Variants in ARHGAP10 observed in about 807,000 individuals in gnomAD.
ARHGAP10 encodes rho GTPase-activating protein 10.
In ARHGAP10, 87 loss-of-function variants were observed where a neutral mutation model predicts 108.6. The ratio of observed to expected loss-of-function variants is 0.80; its 90% CI spans 0.67 to 0.96. The LOEUF (loss-of-function observed/expected upper bound fraction) is 0.96. Among genes scored for constraint, ARHGAP10 ranks in the 40% least tolerant of loss-of-function variants. ARHGAP10 has a pLI of 0.00. For missense variants in ARHGAP10, 939 were observed against 954.5 expected, an observed-to-expected ratio of 0.98 and a Z score of 0.21; for synonymous variants, 347 against 341.1, an observed-to-expected ratio of 1.02 and a Z score of -0.19.
In ARHGAP10 at chr4:147,912,593, A is replaced by C. The variant is rs1299914020; in HGVS notation, c.1163-481A>C. 1.6e-4 allele frequency among the ~76,000 whole-genome samples: 16 copies of C among 98,482 alleles called. 1 individual carries two copies. The highest frequency in any genetic ancestry group is 2.2e-5 in the Non-Finnish European group (1 of 45,502). 64.6% of individuals were successfully genotyped at this position (98,482 alleles called of 152,430 possible). ...TATATATATATATATATATATATATATATATAAAATTCCTGTGTATATTAT... is the reference window on the plus strand; with the variant it reads ...TATATATATATATATATATATATATCTATATAAAATTCCTGTGTATATTAT... On this transcript the variant is annotated intron_variant, in intron 12 of 22. Transcript: ENST00000336498.
intron 18 of ARHGAP10, among the ~76,000 whole-genome samples, chr4:147,967,859 G>T (rs543338041): frequency 2.0e-5 from 3 of 152,196 alleles, no homozygotes; most frequent in East Asian, 3.8e-4. Context: ...ATAGCCATGC[G>T]TATTCTGTTA....
In ARHGAP10 at chr4:147,800,240, C is replaced by A. The variant is rs560766483; in HGVS notation, c.155-22487C>A. On this transcript the variant is annotated intron_variant, in intron 1 of 22. Transcript: ENST00000336498. ...GGGACTTTCCTGACTGTGGCATAGT[C>A]CCCCTTCCTGTGGGGGACAGAGAGC... is the stretch of plus-strand genomic sequence containing the variant. Among the ~76,000 whole-genome samples, 4 of 152,272 alleles carry A rather than the reference C, an allele frequency of 2.6e-5. No homozygotes were observed. In the East Asian group the frequency reaches 7.7e-4, roughly 29 times the overall value.
intron 7 of ARHGAP10, among the ~76,000 whole-genome samples, 200 bp downstream of exon 7, chr4:147,867,016 C>T (rs1456548560): frequency 2.0e-5 from 3 of 152,170 alleles, no homozygotes; most frequent in African/African-American, 7.2e-5. Flanking sequence ...AATTCTGCCA[C>T]CTGGCGGCTT....
At chr4:147,866,846 A>G (rs751506588) in intron 7 of ARHGAP10, 30 bp downstream of exon 7, 66 of 1,516,868 alleles carry the variant, frequency 4.4e-5, no homozygotes, top group Non-Finnish European at 5.8e-5. Flanking sequence ...CTTTATAAAA[A>G]GATGTTTGAA....
chr4:148,002,640 G>A (rs1192090404), intron 18 of ARHGAP10, among the ~76,000 whole-genome samples: 1 of 152,054 alleles, frequency 6.6e-6, no homozygotes, highest in Non-Finnish European at 1.5e-5. Context: ...GTTTAGTCTT[G>A]GGAGGGTGTA....
intron 18 of ARHGAP10, among the ~76,000 whole-genome samples, chr4:148,012,830 A>T (rs899079211): frequency 6.6e-6 from 1 of 152,092 alleles, no homozygotes; most frequent in African/African-American, 2.4e-5. Flanking sequence ...CCTTATGATG[A>T]CAAAATGTTT....
At chr4:147,916,592 TACTC>T (rs1447418804) in intron 13 of ARHGAP10, 1 of 152,236 alleles carries the variant, frequency 6.6e-6, no homozygotes, top group Non-Finnish European at 1.5e-5. Context: ...ACAGGACAAA[TACTC>T]AGGAAGCCTG....
In ARHGAP10 at chr4:147,939,986, A is replaced by G; in HGVS notation, c.1303+87A>G. ...CTTAATATTTCATAATAATGTAGAG[A>G]ATACTTGTCATTCCATTCCTCTACT... On this transcript the variant is annotated intron_variant, in intron 14 of 22. Transcript: ENST00000336498. The G allele has an allele frequency of 4.0e-6, 5 of 1,245,702 alleles. No individual in the cohort carries two copies. In the South Asian group the frequency reaches 6.8e-5, roughly 17 times the overall value. The allele number at this position is 1,245,702 out of a possible 1,614,324, so 77.2% of individuals were successfully genotyped here. A position where few individuals can be genotyped will look rare whatever the true frequency, so the allele number is the denominator to read the frequency against.
chr4:147,910,071 G>A (rs1379162810), intron 12 of ARHGAP10, among the ~76,000 whole-genome samples: 1 of 151,958 alleles, frequency 6.6e-6, no homozygotes, highest in Non-Finnish European at 1.5e-5. Flanking sequence ...GCAGTGGCAT[G>A]GTCTTGGATC....
At chr4:147,843,238 T>G (rs1220360205) in intron 3 of ARHGAP10, among the ~76,000 whole-genome samples, 1 of 152,220 alleles carries the variant, frequency 6.6e-6, no homozygotes, top group Non-Finnish European at 1.5e-5. Flanking sequence ...CTTTCTGGAT[T>G]CTTCACATGG....
intron 18 of ARHGAP10, among the ~76,000 whole-genome samples, chr4:147,989,786 G>A (rs1287637262): frequency 1.3e-5 from 2 of 152,168 alleles, no homozygotes; most frequent in African/African-American, 4.8e-5. Flanking sequence ...ACAGGGTCCT[G>A]AGATGATATA....
intron 14 of ARHGAP10, among the ~76,000 whole-genome samples, chr4:147,943,020 A>T (rs1340212731): frequency 6.6e-6 from 1 of 152,220 alleles, no homozygotes; most frequent in Non-Finnish European, 1.5e-5. Context: ...AGGCAGGGAG[A>T]AATATCAGAT....
intron 18 of ARHGAP10, among the ~76,000 whole-genome samples, chr4:147,969,738 G>A (rs1466728599): frequency 6.6e-6 from 1 of 152,192 alleles, no homozygotes; most frequent in Non-Finnish European, 1.5e-5. Context: ...TTTTCCAGTA[G>A]CGTCGGCAAG....
Position 148,044,006 on chromosome 4 carries a change from G to A in ARHGAP10, c.1868-2886G>A, listed in dbSNP as rs1165597200. On this transcript the variant is annotated intron_variant, in intron 19 of 22. Coordinates refer to ENST00000336498, the MANE Select transcript of ARHGAP10 (RefSeq NM_024605.4). ...AAGCTCATTCCTGAACAGTGAAGGA[G>A]GAAGGAACTCTATACACTTGGAAAG... Among the ~76,000 whole-genome samples the A allele has an allele frequency of 5.3e-5, 8 of 152,098 alleles. No homozygotes were observed. The East Asian group carries it at 1.6e-3, about 30-fold the overall frequency.
In ARHGAP10 at chr4:147,869,192, G is replaced by T. The variant is rs531630625; in HGVS notation, c.702+2376G>T. On this transcript the variant is annotated intron_variant, in intron 7 of 22. Coordinates refer to ENST00000336498, the MANE Select transcript of ARHGAP10 (RefSeq NM_024605.4). ...AAAGCAAGCAGAAGCTCTTCTGAGCGCAGGGCCCTGTGGACTGCATAGGTG... is the reference window on the plus strand; with the variant it reads ...AAAGCAAGCAGAAGCTCTTCTGAGCTCAGGGCCCTGTGGACTGCATAGGTG... 2.6e-5 allele frequency among the ~76,000 whole-genome samples: 4 copies of T among 152,216 alleles called. No individual in the cohort carries two copies. The South Asian group carries it at 8.3e-4, about 32-fold the overall frequency.
chr4:147,863,009 T>G (rs1734392120), intron 5 of ARHGAP10: 1 of 152,232 alleles, frequency 6.6e-6, no homozygotes, highest in Non-Finnish European at 1.5e-5. Flanking sequence ...TTTGCTGAAA[T>G]GGTTTTTATT....
chr4:147,822,906 A>G lies in ARHGAP10; in HGVS notation c.261A>G (p.Leu87=). ...TDDERCIDAS[L]REFSNFLKNL... ...CCTTTCTTCTTACAGATGCTTCCTT[A>G]CGTGAATTTTCAAATTTTTTGAAGA... Residue 87 remains leucine (L), a synonymous_variant, in exon 3 of 23, where the codon TTA becomes TTG. Coordinates refer to ENST00000336498, the MANE Select transcript of ARHGAP10 (RefSeq NM_024605.4). 6.2e-7 allele frequency: 1 copy of G among 1,614,090 alleles called. No homozygotes were observed.
At chr4:148,054,162 A>G (rs1047754399) in intron 20 of ARHGAP10, among the ~76,000 whole-genome samples, 4 of 152,232 alleles carry the variant, frequency 2.6e-5, no homozygotes, top group Non-Finnish European at 5.9e-5. Flanking sequence ...CAATATCTAA[A>G]TAAAGTAAGG....
intron 1 of ARHGAP10, among the ~76,000 whole-genome samples, chr4:147,754,359 A>G (rs1235238044): frequency 1.3e-5 from 2 of 152,316 alleles, no homozygotes; most frequent in South Asian, 2.1e-4. Flanking sequence ...TTTGATGCAC[A>G]GGAGGTGAAA....
Sources: allele counts gnomAD v4.1 joint callset (sites outside exome capture counted in the v4.1 genomes callset), GRCh38; gene constraint gnomAD v4.1.1; transcripts MANE v1.5; gene names NCBI Gene and HGNC (gene_info 2026-07-23, HGNC 2026-07-21).